The following TMEM135 variants were observed in gnomAD, a reference collection of about 807,000 sequenced individuals.
TMEM135 encodes transmembrane protein 135.
In TMEM135, 30 loss-of-function variants were observed where a neutral mutation model predicts 60.3. That is an observed-to-expected ratio of 0.50 (90% CI 0.37 to 0.68). TMEM135 has a LOEUF of 0.68. TMEM135 is among the 30% of genes least tolerant of loss of function. The probability of loss-of-function intolerance (pLI) is 0.00; values close to 1 mark genes in which losing one functional copy is unlikely to be tolerated. For missense variants in TMEM135, 468 were observed against 548.8 expected, an observed-to-expected ratio of 0.85 and a Z score of 1.47; for synonymous variants, 190 against 186.7, an observed-to-expected ratio of 1.02 and a Z score of -0.14.
chr11:87,304,537 C>A (rs1942507819), intron 8 of TMEM135, among the ~76,000 whole-genome samples: 1 of 151,406 alleles, frequency 6.6e-6, no homozygotes, highest in South Asian at 2.1e-4. Flanking sequence ...CAGCTTTAAT[C>A]ACTCAACAGC....
intron 5 of TMEM135, among the ~76,000 whole-genome samples, chr11:87,159,726 G>C (rs1373344095): frequency 6.6e-6 from 1 of 151,804 alleles, no homozygotes; most frequent in African/African-American, 2.4e-5. Flanking sequence ...ATCAATAATT[G>C]GAAAAAGGAA....
intron 6 of TMEM135, among the ~76,000 whole-genome samples, chr11:87,260,585 T>A (rs7951097): frequency 0.35 from 53,690 of 151,984 alleles, 10,040 homozygotes; most frequent in Non-Finnish European, 0.42. Context: ...CATTATAATA[T>A]TTAACAAAAA....
rs370888885 is a variant in TMEM135, at chr11:87,071,544, C to T, written c.291C>T (p.Tyr97=). 4 of 1,613,834 alleles carry T rather than the reference C, an allele frequency of 2.5e-6. No homozygotes were observed. The highest frequency in any genetic ancestry group is 2.7e-5 in the African/African-American group (2 of 74,896). ...TCAGGAAGATACTTGGAAAATTCTA[C>T]TCATGGACTCCTGGCTTTGGTGCCG... ...CILRKILGKF[Y]SWTPGFGAAL... Residue 97 remains tyrosine, a synonymous_variant, in exon 3 of 15, where the codon TAC becomes TAT. Transcript: ENST00000305494.
At chr11:87,269,003 A>G (rs1039426593) in intron 6 of TMEM135, among the ~76,000 whole-genome samples, 6 of 151,058 alleles carry the variant, frequency 4.0e-5, no homozygotes, top group Non-Finnish European at 7.4e-5. Context: ...ATAACAATTT[A>G]TGCTTAAACT....
At chr11:87,314,966 C>A (rs940966919) in intron 12 of TMEM135, among the ~76,000 whole-genome samples, 2 of 151,878 alleles carry the variant, frequency 1.3e-5, no homozygotes, top group African/African-American at 4.8e-5. Flanking sequence ...ACCACAGTAT[C>A]ATTATCATAC....
intron 7 of TMEM135, among the ~76,000 whole-genome samples, chr11:87,296,500 T>C (rs1225940734): frequency 1.3e-5 from 2 of 152,184 alleles, no homozygotes; most frequent in Non-Finnish European, 2.9e-5. Flanking sequence ...TCATAAATGT[T>C]GCCTGTTTTG....
chr11:87,277,155 C>T (rs887311177), intron 6 of TMEM135: 10 of 168,822 alleles, frequency 5.9e-5, no homozygotes, highest in South Asian at 2.0e-4. Flanking sequence ...TTTTTGAGAC[C>T]GAGTCTCGCT....
At chr11:87,254,222 G>A (rs995918542) in intron 6 of TMEM135, among the ~76,000 whole-genome samples, 12 of 152,072 alleles carry the variant, frequency 7.9e-5, no homozygotes, top group African/African-American at 2.7e-4. Flanking sequence ...AGGTAAAACA[G>A]TACCCAGTAA....
chr11:87,082,258 G>A (rs1350443926), intron 3 of TMEM135, among the ~76,000 whole-genome samples: 4 of 152,068 alleles, frequency 2.6e-5, no homozygotes, highest in Admixed American at 6.6e-5. Flanking sequence ...GTGTCTGTGC[G>A]TATTTGGAAT....
intron 1 of TMEM135, among the ~76,000 whole-genome samples, chr11:87,047,509 G>A (rs568419195): frequency 1.8e-3 from 276 of 150,792 alleles, no homozygotes; most frequent in African/African-American, 6.1e-3. Flanking sequence ...CCTGGGAAGC[G>A]CAAGGGGTCA....
intron 4 of TMEM135, among the ~76,000 whole-genome samples, chr11:87,141,556 T>G (rs1050293818): frequency 5.3e-5 from 8 of 152,140 alleles, no homozygotes; most frequent in South Asian, 2.1e-4. Flanking sequence ...TCCCAGTGTT[T>G]ATTTTTATAA....
chr11:87,292,420 T>G (rs575706387), intron 6 of TMEM135, among the ~76,000 whole-genome samples: 1 of 152,218 alleles, frequency 6.6e-6, no homozygotes, highest in Non-Finnish European at 1.5e-5. Context: ...TAGTTAATAT[T>G]TATCGAATAA....
At chr11:87,311,878 G>A (rs1361806681) in intron 10 of TMEM135, among the ~76,000 whole-genome samples, 3 of 151,672 alleles carry the variant, frequency 2.0e-5, no homozygotes, top group Admixed American at 1.3e-4. Context: ...TTGTTTTATA[G>A]TCTATGTTTA....
intron 6 of TMEM135, chr11:87,258,742 T>C (rs1941582605): frequency 2.3e-6 from 1 of 425,922 alleles, no homozygotes; most frequent in African/African-American, 2.1e-5. Flanking sequence ...CAGGTTTAGA[T>C]GGATCAATGT....
chr11:87,259,544 T>C (rs1291070176), intron 6 of TMEM135, among the ~76,000 whole-genome samples: 1 of 152,214 alleles, frequency 6.6e-6, no homozygotes, highest in African/African-American at 2.4e-5. Flanking sequence ...CTTATTCCAG[T>C]CTACATCCTT....
chr11:87,205,167 G>A (rs369761133), intron 5 of TMEM135, among the ~76,000 whole-genome samples: 6 of 152,280 alleles, frequency 3.9e-5, no homozygotes, highest in South Asian at 2.1e-4. Context: ...AAGAAGAAAC[G>A]AGAAGTGACA....
Position 87,170,477 on chromosome 11 carries a change from C to T in TMEM135, c.462+13071C>T, listed in dbSNP as rs550552693. Among the ~76,000 whole-genome samples, 18 of 152,222 alleles carry T rather than the reference C, an allele frequency of 1.2e-4. No individual in the cohort carries two copies. The South Asian group carries it at 2.9e-3, about 25-fold the overall frequency. ...CCTTCCGATGGGGTTTCTGTGTGGA[C>T]ATCCTTTTTGTTGATGTTGTTGTTA... On this transcript the variant is annotated intron_variant, in intron 5 of 14. Transcript: ENST00000305494.
rs1293942183 is a variant in TMEM135, at chr11:87,143,366, C to CT, written c.397-13962dup. On this transcript the variant is annotated intron_variant, in intron 4 of 14. Transcript: ENST00000305494. ...ATTGACTTCTTTTCTTTCTTTCTTTCTTTTTTTTTTTTTAAGCTGACCATG... is the reference window on the plus strand; with the variant it reads ...ATTGACTTCTTTTCTTTCTTTCTTTCTTTTTTTTTTTTTTAAGCTGACCATG... 5.2e-3 allele frequency among the ~76,000 whole-genome samples: 300 copies of CT among 57,394 alleles called. 1 individual carries two copies. Among genetic ancestry groups the CT allele is most frequent in the Middle Eastern group, 0.03 (3 of 100 alleles). The allele number at this position is 57,394 out of a possible 152,430, so 37.7% of individuals were successfully genotyped here.
intron 6 of TMEM135, among the ~76,000 whole-genome samples, chr11:87,253,742 A>G (rs920015886): frequency 3.2e-5 from 3 of 95,014 alleles, no homozygotes; most frequent in African/African-American, 1.2e-4. Flanking sequence ...ACCTGTTAGC[A>G]TTGTTAAGGT....
Sources: gnomAD v4.1 joint callset for allele counts (sites outside exome capture counted in the v4.1 genomes callset) on GRCh38, gnomAD v4.1.1 for gene constraint, MANE v1.5 for transcripts, NCBI Gene and HGNC (gene_info 2026-07-23, HGNC 2026-07-21) for gene names.